RUNDC3B: variants seen among roughly 807,000 people sequenced by gnomAD.
RUNDC3B encodes the protein RUN domain-containing protein 3B.
Under a neutral mutation model 58.4 loss-of-function variants are expected in RUNDC3B, and 33 were observed. That is an observed-to-expected ratio of 0.56 (90% confidence interval 0.43 to 0.75). The LOEUF (loss-of-function observed/expected upper bound fraction) is 0.75. Ranked by LOEUF, RUNDC3B falls within the 30% of genes least tolerant of loss-of-function variation. The probability of loss-of-function intolerance (pLI) is 0.00; values close to 1 mark genes in which losing one functional copy is unlikely to be tolerated. For missense variants in RUNDC3B, 501 were observed against 535.7 expected (o/e 0.94, Z 0.64); for synonymous variants, 193 against 195.2 (o/e 0.99, Z 0.10).
intron 1 of RUNDC3B, among the ~76,000 whole-genome samples, chr7:87,648,691 A>T (rs1823270580): frequency 6.6e-6 from 1 of 152,152 alleles, no homozygotes; most frequent in South Asian, 2.1e-4. Flanking sequence ...TAAATGTTTT[A>T]GTATTTTTTA....
intron 6 of RUNDC3B, among the ~76,000 whole-genome samples, chr7:87,743,408 GCTGT>G (rs1310113942): frequency 3.3e-5 from 5 of 152,158 alleles, no homozygotes; most frequent in Non-Finnish European, 2.9e-5. Flanking sequence ...TTCCATAGTG[GCTGT>G]ACTAGTTTAT....
chr7:87,719,037 T>C (rs1031822313), intron 4 of RUNDC3B, among the ~76,000 whole-genome samples: 1 of 152,042 alleles, frequency 6.6e-6, no homozygotes, highest in Non-Finnish European at 1.5e-5. Context: ...GCATATCTAA[T>C]ACATATACAC....
At chr7:87,729,838 G>C (rs971255757) in intron 4 of RUNDC3B, among the ~76,000 whole-genome samples, 1 of 152,170 alleles carries the variant, frequency 6.6e-6, no homozygotes, top group Admixed American at 6.5e-5. Flanking sequence ...CCTAAGGAGA[G>C]GAGAGGGGAG....
chr7:87,828,593 A>G lies in RUNDC3B; in HGVS notation c.1226-1292A>G, dbSNP rs1418244513. 5.3e-5 allele frequency among the ~76,000 whole-genome samples: 8 copies of G among 152,260 alleles called. No homozygotes were observed. In the East Asian group the frequency reaches 1.2e-3, roughly 22 times the overall value. ...GGCTGCATAGTAGTCCATGGTGTAG[A>G]TGTACCACATTTTCTTTATCCAGTC... On this transcript the variant is annotated intron_variant, in intron 10 of 10. Coordinates refer to ENST00000394654, the MANE Select transcript of RUNDC3B (RefSeq NM_001134405.2).
At chr7:87,657,724 T>C (rs1204246830) in intron 2 of RUNDC3B, among the ~76,000 whole-genome samples, 1 of 152,114 alleles carries the variant, frequency 6.6e-6, no homozygotes, top group Non-Finnish European at 1.5e-5. Context: ...TCTTTCACTG[T>C]CACCCAGTGG....
chr7:87,700,675 G>A (rs879237119), intron 3 of RUNDC3B, 121 bp downstream of exon 3: 58 of 850,936 alleles, frequency 6.8e-5, no homozygotes, highest in Middle Eastern at 5.6e-4. Flanking sequence ...AATAAAATAC[G>A]TCCTGTTCTG....
intron 3 of RUNDC3B, among the ~76,000 whole-genome samples, chr7:87,703,090 G>A (rs954798450): frequency 1.3e-5 from 2 of 152,008 alleles, no homozygotes; most frequent in African/African-American, 2.4e-5. Flanking sequence ...AGAAAATAAA[G>A]ATTGAAAATT....
intron 8 of RUNDC3B, among the ~76,000 whole-genome samples, chr7:87,787,305 G>T (rs879846391): frequency 1.8e-4 from 28 of 152,204 alleles, no homozygotes; most frequent in Non-Finnish European, 3.8e-4. Flanking sequence ...GTTGGGCATT[G>T]AAATTTCCTT....
intron 10 of RUNDC3B, among the ~76,000 whole-genome samples, chr7:87,827,486 C>CA (rs1290320976): frequency 1.3e-5 from 2 of 151,964 alleles, no homozygotes; most frequent in Non-Finnish European, 2.9e-5. Flanking sequence ...GACTCTGTCT[C>CA]AAAAACAAAC....
chr7:87,720,540 A>ATGTG lies in RUNDC3B; in HGVS notation c.458+9886_458+9887insGTGT, dbSNP rs907929154. Among the ~76,000 whole-genome samples the ATGTG allele has an allele frequency of 1.3e-3, 131 of 100,846 alleles. 1 individual carries two copies. The highest frequency in any genetic ancestry group is 4.4e-3 in the African/African-American group (126 of 28,578). The allele number at this position is 100,846 out of a possible 152,430, so 66.2% of individuals were successfully genotyped here. ...CACAAATTTAAGCAGAAGATAGGAT[A>ATGTG]TATGTGTGTGTGTGTGTGTGTGTGT... On this transcript the variant is annotated intron_variant, in intron 4 of 10. Coordinates refer to ENST00000394654, the MANE Select transcript of RUNDC3B (RefSeq NM_001134405.2).
At chr7:87,656,524 T>C (rs1353240903) in intron 2 of RUNDC3B, among the ~76,000 whole-genome samples, 4 of 151,824 alleles carry the variant, frequency 2.6e-5, no homozygotes, top group African/African-American at 7.3e-5. Context: ...AGGTTTGTTT[T>C]GGACACTTGA....
intron 2 of RUNDC3B, among the ~76,000 whole-genome samples, chr7:87,678,437 A>G (rs1029535454): frequency 2.6e-5 from 4 of 152,226 alleles, no homozygotes; most frequent in Non-Finnish European, 5.9e-5. Context: ...GTTCTATTTC[A>G]TAAAGTAGTG....
At chr7:87,779,855 C>T (rs758660956) in intron 8 of RUNDC3B, among the ~76,000 whole-genome samples, 12 of 151,456 alleles carry the variant, frequency 7.9e-5, no homozygotes, top group Non-Finnish European at 1.5e-4. Context: ...GATTATTTAA[C>T]TACCAGCTAT....
At chr7:87,807,242 A>T in intron 8 of RUNDC3B, 131 bp from the exon 9 acceptor site, 1 of 709,826 alleles carries the variant, frequency 1.4e-6, no homozygotes, top group Non-Finnish European at 2.4e-6. Context: ...TCCTTGCTGT[A>T]GTTCTGTTCA....
chr7:87,720,778 T>A lies in RUNDC3B; in HGVS notation c.458+10123T>A, dbSNP rs1830836696. 2.6e-5 allele frequency among the ~76,000 whole-genome samples: 4 copies of A among 151,544 alleles called. No homozygotes were observed. In the South Asian group the frequency reaches 8.4e-4, roughly 32 times the overall value. On this transcript the variant is annotated intron_variant, in intron 4 of 10. Coordinates refer to ENST00000394654, the MANE Select transcript of RUNDC3B (RefSeq NM_001134405.2). ...ACCACGCCCTGCTAATTTTTTGTATTTTTAGTAGAGACAGGGTTTCACCAT... is the reference window on the plus strand; with the variant it reads ...ACCACGCCCTGCTAATTTTTTGTATATTTAGTAGAGACAGGGTTTCACCAT...
intron 7 of RUNDC3B, among the ~76,000 whole-genome samples, chr7:87,777,060 A>C (rs2130881745): frequency 6.6e-6 from 1 of 152,326 alleles, no homozygotes; most frequent in African/African-American, 2.4e-5. Context: ...GGATAAATTC[A>C]ATAAGTTTTC....
intron 8 of RUNDC3B, among the ~76,000 whole-genome samples, chr7:87,784,687 G>A (rs918747569): frequency 9.3e-5 from 14 of 150,170 alleles, no homozygotes; most frequent in East Asian, 2.0e-4. Context: ...TGCTTTGGGG[G>A]AGGGAGAGAT....
intron 10 of RUNDC3B, among the ~76,000 whole-genome samples, chr7:87,816,806 CAAT>C (rs1837068627): frequency 6.6e-6 from 1 of 152,156 alleles, no homozygotes; most frequent in Admixed American, 6.6e-5. Context: ...TCATTTGGTC[CAAT>C]TCCCTAACTT....
At chr7:87,647,314 C>T (rs1260274338) in intron 1 of RUNDC3B, among the ~76,000 whole-genome samples, 1 of 152,024 alleles carries the variant, frequency 6.6e-6, no homozygotes, top group African/African-American at 2.4e-5. Flanking sequence ...TTGTTATTGT[C>T]ATTTTCTTTG....
Sources: allele counts gnomAD v4.1 joint callset (sites outside exome capture counted in the v4.1 genomes callset), GRCh38; gene constraint gnomAD v4.1.1; transcripts MANE v1.5; gene names NCBI Gene and HGNC (gene_info 2026-07-23, HGNC 2026-07-21).